Variants in ITFG1 observed in about 807,000 individuals in gnomAD.
ITFG1 encodes T-cell immunomodulatory protein.
A neutral mutation model predicts 81.8 loss-of-function variants in ITFG1; 34 were observed. That is an observed-to-expected ratio of 0.42 (90% CI 0.32 to 0.55). The LOEUF (loss-of-function observed/expected upper bound fraction) is 0.55, where lower values mean the gene tolerates loss of function less well. ITFG1 is among the 20% of genes least tolerant of loss of function. ITFG1 has a pLI of 0.17. For synonymous variants in ITFG1, 285 were observed against 270.6 expected, an observed-to-expected ratio of 1.05 and a Z score of -0.52; for missense variants, 672 against 755.4, an observed-to-expected ratio of 0.89 and a Z score of 1.29.
intron 8 of ITFG1, among the ~76,000 whole-genome samples, chr16:47,319,821 G>A (rs1016596955): frequency 1.3e-5 from 2 of 152,058 alleles, no homozygotes; most frequent in Non-Finnish European, 2.9e-5. Flanking sequence ...GTCAACATGT[G>A]AAAAAGTCAA....
At chr16:47,245,880 C>T (rs1012201292) in intron 12 of ITFG1, among the ~76,000 whole-genome samples, 1 of 151,692 alleles carries the variant, frequency 6.6e-6, no homozygotes, top group African/African-American at 2.4e-5. Flanking sequence ...AAGATTCGGA[C>T]CATACTCACG....
chr16:47,449,730 A>G (rs1969365899), intron 5 of ITFG1: 1 of 152,192 alleles, frequency 6.6e-6, no homozygotes, highest in Admixed American at 6.6e-5. Context: ...TTCAGGCATG[A>G]TGTTTTAAAA....
chr16:47,422,205 G>A (rs1470765584), intron 6 of ITFG1, among the ~76,000 whole-genome samples: 1 of 152,184 alleles, frequency 6.6e-6, no homozygotes, highest in Non-Finnish European at 1.5e-5. Flanking sequence ...TAATGGGATT[G>A]CTGGGTCAAA....
At chr16:47,392,734 T>C (rs1197634160) in intron 6 of ITFG1, among the ~76,000 whole-genome samples, 1 of 152,190 alleles carries the variant, frequency 6.6e-6, no homozygotes, top group Non-Finnish European at 1.5e-5. Context: ...ATGGAGACTG[T>C]CTAACACAAT....
intron 6 of ITFG1, among the ~76,000 whole-genome samples, chr16:47,402,253 A>G (rs1968671143): frequency 6.6e-6 from 1 of 152,238 alleles, no homozygotes; most frequent in Non-Finnish European, 1.5e-5. Flanking sequence ...ATTCACTTGT[A>G]CCACAGTATA....
At chr16:47,280,586 T>C (rs1336389206) in intron 10 of ITFG1, among the ~76,000 whole-genome samples, 4 of 152,196 alleles carry the variant, frequency 2.6e-5, no homozygotes, top group African/African-American at 7.2e-5. Flanking sequence ...GGAGCATCTT[T>C]TGTTACTCAT....
At chr16:47,327,175 T>C (rs1967560589) in intron 8 of ITFG1, among the ~76,000 whole-genome samples, 1 of 152,028 alleles carries the variant, frequency 6.6e-6, no homozygotes, top group Non-Finnish European at 1.5e-5. Context: ...ATGTCACATA[T>C]CTACAACTAT....
chr16:47,348,516 A>G (rs1212656929), intron 8 of ITFG1, among the ~76,000 whole-genome samples: 1 of 152,222 alleles, frequency 6.6e-6, no homozygotes, highest in Non-Finnish European at 1.5e-5. Flanking sequence ...GAGAAAAAAG[A>G]ATAAAAAGAA....
chr16:47,349,366 T>C (rs1035356146), intron 8 of ITFG1, among the ~76,000 whole-genome samples: 8 of 152,044 alleles, frequency 5.3e-5, no homozygotes, highest in Non-Finnish European at 1.2e-4. Flanking sequence ...TGGAGGAAGA[T>C]CTACCAAGCA....
intron 10 of ITFG1, among the ~76,000 whole-genome samples, chr16:47,308,046 A>G (rs1381277637): frequency 1.3e-5 from 2 of 152,200 alleles, no homozygotes; most frequent in African/African-American, 2.4e-5. Flanking sequence ...CCAATCCACT[A>G]TTGATGGGCA....
chr16:47,223,778 C>A (rs913613308), intron 13 of ITFG1, among the ~76,000 whole-genome samples: 1 of 152,036 alleles, frequency 6.6e-6, no homozygotes, highest in African/African-American at 2.4e-5. Flanking sequence ...ATGTTTATTG[C>A]GGCACTATTT....
intron 5 of ITFG1, among the ~76,000 whole-genome samples, chr16:47,430,089 G>A (rs1969075489): frequency 1.4e-5 from 2 of 139,158 alleles, no homozygotes; most frequent in South Asian, 2.2e-4. Context: ...TCAGAGTCTC[G>A]CTCTGTCACC....
At chr16:47,346,443 A>G (rs1043360077) in intron 8 of ITFG1, among the ~76,000 whole-genome samples, 1 of 152,216 alleles carries the variant, frequency 6.6e-6, no homozygotes, top group Admixed American at 6.5e-5. Flanking sequence ...GGATGACTAC[A>G]GCAATAAACA....
At chr16:47,195,030 T>A (rs1021016118) in intron 14 of ITFG1, among the ~76,000 whole-genome samples, 1 of 152,224 alleles carries the variant, frequency 6.6e-6, no homozygotes, top group Non-Finnish European at 1.5e-5. Context: ...AACTTTTCAA[T>A]TGTCCATTCT....
intron 10 of ITFG1, among the ~76,000 whole-genome samples, chr16:47,264,255 A>C (rs1352786438): frequency 6.6e-6 from 1 of 152,012 alleles, no homozygotes; most frequent in Non-Finnish European, 1.5e-5. Flanking sequence ...AAAAAAACCT[A>C]ATTGGGTTCT....
intron 6 of ITFG1, among the ~76,000 whole-genome samples, chr16:47,411,917 C>A (rs955281118): frequency 6.6e-6 from 1 of 152,178 alleles, no homozygotes; most frequent in African/African-American, 2.4e-5. Context: ...TACTGCATAG[C>A]AACCTATATT....
intron 8 of ITFG1, among the ~76,000 whole-genome samples, chr16:47,357,328 A>C (rs1567472847): frequency 6.6e-6 from 1 of 152,082 alleles, no homozygotes; most frequent in Admixed American, 6.5e-5. Flanking sequence ...AAAAAAATTA[A>C]ATGCGGCTGG....
At chr16:47,455,195 T>A (rs949925807) in intron 2 of ITFG1, among the ~76,000 whole-genome samples, 1 of 152,176 alleles carries the variant, frequency 6.6e-6, no homozygotes, top group African/African-American at 2.4e-5. Context: ...AGTAGACTAG[T>A]CCCACTAGGC....
intron 8 of ITFG1, among the ~76,000 whole-genome samples, chr16:47,353,654 C>A (rs533225164): frequency 1.6e-4 from 24 of 151,344 alleles, no homozygotes; most frequent in Middle Eastern, 3.4e-3. Context: ...TAGACTCCAT[C>A]AAAAAAAACC....
Sources: gnomAD v4.1 joint callset for allele counts (sites outside exome capture counted in the v4.1 genomes callset) on GRCh38, gnomAD v4.1.1 for gene constraint, MANE v1.5 for transcripts, NCBI Gene and HGNC (gene_info 2026-07-23, HGNC 2026-07-21) for gene names.